MARCO: variants seen among roughly 807,000 people sequenced by gnomAD.
MARCO encodes the protein macrophage receptor MARCO.
MARCO carries 72 observed loss-of-function variants against 70.0 expected under a neutral mutation model. The ratio of observed to expected loss-of-function variants is 1.03; its 90% CI spans 0.85 to 1.25. The LOEUF is 1.25. MARCO is among the 50% of genes most tolerant of loss of function. The pLI, the probability that MARCO is intolerant of heterozygous loss-of-function variation, is 0.00. For synonymous variants in MARCO, 273 were observed against 243.1 expected (o/e 1.12, Z -1.14); for missense variants, 696 against 659.3 (o/e 1.06, Z -0.61).
intron 4 of MARCO, among the ~76,000 whole-genome samples, chr2:118,973,880 T>C (rs970530466): frequency 1.3e-5 from 2 of 152,192 alleles, no homozygotes; most frequent in African/African-American, 4.8e-5. Context: ...TCCATGAGGA[T>C]GAGAAGTCGC....
chr2:118,994,116 TG>T (rs1680675432), intron 16 of MARCO, among the ~76,000 whole-genome samples: 1 of 152,116 alleles, frequency 6.6e-6, no homozygotes, highest in South Asian at 2.1e-4. Context: ...TCAAATAGTG[TG>T]GGGTTTAAGC....
In MARCO at chr2:118,944,028, C is replaced by T. The variant is rs1044627551; in HGVS notation, c.97+1631C>T. Among the ~76,000 whole-genome samples the T allele has an allele frequency of 3.3e-5, 5 of 152,104 alleles. No homozygotes were observed. The East Asian group carries it at 7.8e-4, about 24-fold the overall frequency. On this transcript the variant is annotated intron_variant, in intron 1 of 16. Transcript: ENST00000327097. The stretch of plus-strand genomic sequence containing the variant: ...ATAAAGGAATGCTCTGGAGAAACAC[C>T]GGAAATCAGATCAATTGGACTGCAA...
In MARCO at chr2:118,981,480, G is replaced by A. The variant is rs1215949920; in HGVS notation, c.838G>A (p.Gly280Ser). 8.1e-6 allele frequency: 13 copies of A among 1,600,796 alleles called. No homozygotes were observed. In the East Asian group the frequency reaches 2.2e-4, roughly 27 times the overall value. Residue 280 changes from glycine to serine, a missense_variant, in exon 9 of 17, where the codon GGT becomes AGT. Coordinates refer to ENST00000327097, the MANE Select transcript of MARCO (RefSeq NM_006770.4). Reference protein sequence around the residue: ...MGPPGAQGSKGDFGRPGPPGL... With the variant: ...MGPPGAQGSKSDFGRPGPPGL... ...GCCTCCTGGAGCCCAGGGGAGTAAA[G>A]GTGACTTCGGGAGGCCAGGCCCACC... is the stretch of plus-strand genomic sequence containing the variant.
At chr2:118,992,152 A>G (rs745335253) in intron 14 of MARCO, among the ~76,000 whole-genome samples, 1 of 152,182 alleles carries the variant, frequency 6.6e-6, no homozygotes, top group South Asian at 2.1e-4. Flanking sequence ...GGCAGTTTCC[A>G]TGAAGGAGAT....
intron 1 of MARCO, among the ~76,000 whole-genome samples, chr2:118,948,042 CAT>C (rs1400694671): frequency 6.6e-6 from 1 of 152,128 alleles, no homozygotes; most frequent in East Asian, 1.9e-4. Context: ...AGATCCTGTA[CAT>C]GTTTTATTAG....
chr2:118,968,102 T>G (rs1680090376), intron 1 of MARCO, among the ~76,000 whole-genome samples: 1 of 152,176 alleles, frequency 6.6e-6, no homozygotes, highest in African/African-American at 2.4e-5. Context: ...GAGATGATGT[T>G]GGTAAATGCC....
intron 10 of MARCO, 49 bp downstream of exon 10, chr2:118,981,705 G>A: frequency 2.6e-6 from 4 of 1,545,904 alleles, no homozygotes; most frequent in South Asian, 2.3e-5. Flanking sequence ...ACTGTCCCTG[G>A]CAGAGTGAAG....
At chr2:118,977,354 G>A in intron 6 of MARCO, 117 bp from the exon 7 acceptor site, 2 of 830,042 alleles carry the variant, frequency 2.4e-6, no homozygotes, top group East Asian at 2.5e-5. Context: ...GAGAGAGAGA[G>A]AAAGATCTCC....
intron 7 of MARCO, 62 bp downstream of exon 7, chr2:118,977,577 C>T: frequency 7.1e-7 from 1 of 1,409,276 alleles, no homozygotes; most frequent in Non-Finnish European, 1.0e-6. Context: ...GAGGCAGTTC[C>T]CCCCCACCCC....
intron 1 of MARCO, among the ~76,000 whole-genome samples, chr2:118,967,372 A>C (rs1230053411): frequency 1.3e-5 from 2 of 152,212 alleles, no homozygotes; most frequent in East Asian, 3.9e-4. Flanking sequence ...GTCAGGATCC[A>C]TGTGGAGGTG....
At chr2:118,966,655 C>T (rs1680057058) in intron 1 of MARCO, among the ~76,000 whole-genome samples, 1 of 152,220 alleles carries the variant, frequency 6.6e-6, no homozygotes, top group African/African-American at 2.4e-5. Context: ...TACTCACATG[C>T]CTTCCACCAC....
At chr2:118,966,095 T>A (rs1238538872) in intron 1 of MARCO, among the ~76,000 whole-genome samples, 2 of 151,586 alleles carry the variant, frequency 1.3e-5, no homozygotes, top group African/African-American at 2.4e-5. Flanking sequence ...CTACCAGCAC[T>A]GCCTGCTACC....
intron 8 of MARCO, among the ~76,000 whole-genome samples, chr2:118,980,226 G>C (rs1680363205): frequency 6.6e-6 from 1 of 152,150 alleles, no homozygotes; most frequent in Admixed American, 6.5e-5. Context: ...CCTTCTCCAG[G>C]GTGGACACTC....
intron 4 of MARCO, among the ~76,000 whole-genome samples, chr2:118,971,961 T>C (rs905565155): frequency 3.3e-5 from 5 of 152,168 alleles, no homozygotes; most frequent in Non-Finnish European, 5.9e-5. Flanking sequence ...GCAGTAATGA[T>C]GGGAGGCAGG....
At chr2:118,983,382 C>G (rs1326567986) in intron 12 of MARCO, among the ~76,000 whole-genome samples, 1 of 152,218 alleles carries the variant, frequency 6.6e-6, no homozygotes, top group Non-Finnish European at 1.5e-5. Flanking sequence ...TCATTCATCA[C>G]CACCTCCTGG....
chr2:118,977,653 C>T, intron 7 of MARCO, 138 bp downstream of exon 7: 1 of 779,824 alleles, frequency 1.3e-6, no homozygotes, highest in Non-Finnish European at 2.1e-6. Context: ...GTCCTCTTCT[C>T]TTGAGTCCTG....
At chr2:118,978,542 T>C (rs530287381) in intron 8 of MARCO, among the ~76,000 whole-genome samples, 18 of 152,302 alleles carry the variant, frequency 1.2e-4, no homozygotes, top group South Asian at 4.1e-4. Flanking sequence ...CCTGCAGTCA[T>C]TGGGGAGGCT....
chr2:118,981,138 C>T (rs536681159), intron 8 of MARCO, among the ~76,000 whole-genome samples: 2 of 151,946 alleles, frequency 1.3e-5, no homozygotes, highest in Non-Finnish European at 2.9e-5. Context: ...TGAGCCTTGG[C>T]TATTGTCCCT....
At position 118,967,803 on chromosome 2, in the gene MARCO, C is replaced by A. The variant is rs566151077; in HGVS notation, c.98-1357C>A. On this transcript the variant is annotated intron_variant, in intron 1 of 16. Coordinates refer to ENST00000327097, the MANE Select transcript of MARCO (RefSeq NM_006770.4). ...AGTGCATCTGTCACAATAGTTAAAA[C>A]CCACCTGCCCCTATCACAAAAGCAA... 2.2e-4 allele frequency among the ~76,000 whole-genome samples: 34 copies of A among 152,278 alleles called. No individual in the cohort carries two copies. The South Asian group carries it at 7.0e-3, about 32-fold the overall frequency.
Sources: allele counts gnomAD v4.1 joint callset (sites outside exome capture counted in the v4.1 genomes callset), GRCh38; gene constraint gnomAD v4.1.1; transcripts MANE v1.5; gene names NCBI Gene and HGNC (gene_info 2026-07-23, HGNC 2026-07-21).